The following HCN2 variants were observed in gnomAD, a reference collection of about 807,000 sequenced individuals.
HCN2 encodes the protein hyperpolarization activated cyclic nucleotide gated potassium and sodium channel 2.
In HCN2, 20 loss-of-function variants were observed where a neutral mutation model predicts 52.3. The ratio of observed to expected loss-of-function variants is 0.38; its 90% CI spans 0.27 to 0.56. HCN2 has a LOEUF of 0.56. Ranked by LOEUF, HCN2 falls within the 20% of genes least tolerant of loss-of-function variation. The probability of loss-of-function intolerance (pLI) is 0.71; values close to 1 mark genes in which losing one functional copy is unlikely to be tolerated. For synonymous variants in HCN2, 694 were observed against 537.0 expected (o/e 1.29, Z -4.04); for missense variants, 981 against 1,207.7 (o/e 0.81, Z 2.78).
chr19:609,434 G>A (rs1252593237), intron 4 of HCN2, among the ~76,000 whole-genome samples: 6 of 152,204 alleles, frequency 3.9e-5, no homozygotes, highest in East Asian at 3.9e-4. Context: ...AGAGTCAGGT[G>A]CCCACCCATT....
At chr19:613,095 C>T (rs1234440128) in intron 5 of HCN2, among the ~76,000 whole-genome samples, 153 bp from the exon 6 acceptor site, 1 of 152,200 alleles carries the variant, frequency 6.6e-6, no homozygotes, top group East Asian at 1.9e-4. Context: ...TTCTCCCGTC[C>T]TTGGCGGCAG....
intron 5 of HCN2, among the ~76,000 whole-genome samples, 183 bp downstream of exon 5, chr19:610,588 C>T (rs1202248774): frequency 1.3e-5 from 2 of 152,168 alleles, no homozygotes; most frequent in Non-Finnish European, 2.9e-5. Flanking sequence ...CCCCCAGGAC[C>T]CCCGCCACCC....
intron 1 of HCN2, among the ~76,000 whole-genome samples, chr19:594,898 T>C (rs1982978292): frequency 6.6e-6 from 1 of 152,132 alleles, no homozygotes; most frequent in East Asian, 1.9e-4. Context: ...CTATGTTCCC[T>C]GCTCGAAAAC....
At chr19:608,355 C>T (rs998980224) in intron 4 of HCN2, among the ~76,000 whole-genome samples, 173 bp downstream of exon 4, 7 of 132,446 alleles carry the variant, frequency 5.3e-5, no homozygotes, top group Non-Finnish European at 1.2e-4. Context: ...GGAGGTAGTC[C>T]TTGTCCCGGG....
Position 614,009 on chromosome 19 carries a change from C to G in HCN2, c.1983C>G (p.Asp661Glu). The G allele has an allele frequency of 5.6e-6, 6 of 1,073,368 alleles. No individual in the cohort carries two copies. Among genetic ancestry groups the G allele is most frequent in the Non-Finnish European group, 7.5e-6 (6 of 798,084 alleles). The allele number at this position is 1,073,368 out of a possible 1,614,324, so 66.5% of individuals were successfully genotyped here. A position where few individuals can be genotyped will look rare whatever the true frequency, so the allele number is the denominator to read the frequency against. The stretch of plus-strand genomic sequence containing the variant: ...AGACGGTGGCCATCGACCGCCTGGA[C>G]CGCATCGGTGAGCGGGCCGGGGGCG... ...AFETVAIDRLDRIGKKNSILL... is the reference protein window; with the variant it reads ...AFETVAIDRLERIGKKNSILL... The change falls in exon 7 of 8, where the codon GAC becomes GAG. Residue 661 changes from aspartate to glutamate, a missense_variant. By Grantham distance (45) the Asp-to-Glu change is conservative. Around this residue, in one of 6 missense-constraint regions of HCN2, gnomAD observed 85 missense variants for 106.1 expected, o/e 0.80. Transcript: ENST00000251287.
At chr19:602,358 C>CTGGAAATG (rs1568363416) in intron 1 of HCN2, among the ~76,000 whole-genome samples, 1 of 110,982 alleles carries the variant, frequency 9.0e-6, no homozygotes, top group Non-Finnish European at 1.9e-5. Context: ...CCCACTTCCT[C>CTGGAAATG]CTCTCCTGCG....
At chr19:613,831 C>A (rs751602379) in intron 6 of HCN2, 21 bp from the exon 7 acceptor site, 6 of 1,524,058 alleles carry the variant, frequency 3.9e-6, no homozygotes, top group Middle Eastern at 2.4e-4. Context: ...CCAGCAACCC[C>A]CCCCTGCGCG....
chr19:598,770 T>A (rs1248385869), intron 1 of HCN2, among the ~76,000 whole-genome samples: 2 of 152,126 alleles, frequency 1.3e-5, no homozygotes, highest in Admixed American at 6.5e-5. Flanking sequence ...CACAAAAAAA[T>A]AATACATTTT....
intron 4 of HCN2, among the ~76,000 whole-genome samples, chr19:609,727 C>A (rs1435134778): frequency 6.6e-6 from 1 of 151,948 alleles, no homozygotes; most frequent in Admixed American, 6.6e-5. Flanking sequence ...ATGGCGAGAC[C>A]TCATCTCCAC....
intron 5 of HCN2, among the ~76,000 whole-genome samples, chr19:612,906 C>A (rs1983706407): frequency 6.6e-6 from 1 of 151,772 alleles, no homozygotes; most frequent in Non-Finnish European, 1.5e-5. Context: ...TCTAGAACTC[C>A]TGGGCTCAAG....
intron 5 of HCN2, 93 bp from the exon 6 acceptor site, chr19:613,155 T>G (rs926439086): frequency 2.1e-5 from 30 of 1,447,742 alleles, no homozygotes; most frequent in East Asian, 5.0e-5. Context: ...ACGAGGAAAC[T>G]GGGGTCCGAG....
At chr19:608,224 G>A (rs891642442) in intron 4 of HCN2, 42 bp downstream of exon 4, 1 of 1,567,690 alleles carries the variant, frequency 6.4e-7, no homozygotes, top group Non-Finnish European at 8.8e-7. Context: ...TGATGGGGGA[G>A]GCGGGCCTGG....
In HCN2 at chr19:599,648, C is replaced by T. The variant is rs1303962247; in HGVS notation, c.633-3896C>T. 6.6e-5 allele frequency among the ~76,000 whole-genome samples: 10 copies of T among 151,600 alleles called. 1 individual carries two copies. The highest frequency in any genetic ancestry group is 4.6e-4 in the Admixed American group (7 of 15,222). On this transcript the variant is annotated intron_variant, in intron 1 of 7. Coordinates refer to ENST00000251287, the MANE Select transcript of HCN2 (RefSeq NM_001194.4). ...CAAAAAAAAAAAAAAATTATCTGGG[C>T]GTGGTGGCGGGCGCCTATAGTCCCA...
chr19:606,169 G>A (rs10419399), intron 3 of HCN2, among the ~76,000 whole-genome samples: 28,878 of 151,886 alleles, frequency 0.19, 3,452 homozygotes, highest in African/African-American at 0.31. Context: ...GCACGATCTC[G>A]GCTTACCACA....
intron 1 of HCN2, among the ~76,000 whole-genome samples, chr19:600,367 G>A (rs1027912699): frequency 5.9e-5 from 9 of 151,710 alleles, no homozygotes; most frequent in Admixed American, 5.3e-4. Flanking sequence ...TTTGAGATGG[G>A]GTCTCACTCT....
chr19:597,734 C>T (rs1249845098), intron 1 of HCN2, among the ~76,000 whole-genome samples: 4 of 144,966 alleles, frequency 2.8e-5, no homozygotes, highest in Non-Finnish European at 3.0e-5. Context: ...CTAGGTCCTC[C>T]TGGTGGTTTC....
At position 613,355 on chromosome 19, in the gene HCN2, C is replaced by T. The variant is rs371706250; in HGVS notation, c.1692C>T (p.Val564=). Residue 564 remains valine, a synonymous_variant, in exon 6 of 8, where the codon GTC becomes GTT. Transcript: ENST00000251287. ...TGCTGACCAAGCTCAAGTTCGAGGT[C>T]TTCCAGCCGGGTGACTACATCATCC... ...TAMLTKLKFE[V]FQPGDYIIRE... 50 of 1,612,972 alleles carry T rather than the reference C, an allele frequency of 3.1e-5. No homozygotes were observed. The highest frequency in any genetic ancestry group is 4.0e-5 in the Non-Finnish European group (47 of 1,179,942).
Position 616,386 on chromosome 19 carries a change from C to G in HCN2, c.2582C>G (p.Pro861Arg). 8.1e-7 allele frequency: 1 copy of G among 1,237,634 alleles called. No homozygotes were observed. Among genetic ancestry groups the G allele is most frequent in the Non-Finnish European group, 1.0e-6 (1 of 983,222 alleles). The allele number at this position is 1,237,634 out of a possible 1,614,324, so 76.7% of individuals were successfully genotyped here. A position where few individuals can be genotyped will look rare whatever the true frequency, so the allele number is the denominator to read the frequency against. ...TPAARAAAPS[P>R]DRRDSASPGA... The stretch of plus-strand genomic sequence containing the variant: ...GCTGCCCGGGCCGCCGCGCCCAGCC[C>G]GGACCGCAGGGACTCGGCCTCACCC... Residue 861 changes from proline to arginine, a missense_variant, in exon 8 of 8, where the codon CCG becomes CGG. By Grantham distance (103) the Pro-to-Arg change is moderately radical (BLOSUM62 -2). This residue lies in a region of HCN2 where 368 missense variants were observed against 314.8 expected (regional missense o/e 1.17). Coordinates refer to ENST00000251287, the MANE Select transcript of HCN2 (RefSeq NM_001194.4).
At chr19:608,715 C>T (rs1262930068) in intron 4 of HCN2, among the ~76,000 whole-genome samples, 1 of 152,006 alleles carries the variant, frequency 6.6e-6, no homozygotes, top group Admixed American at 6.5e-5. Flanking sequence ...CTGGGCCCAC[C>T]TGGGGGTCTC....
Sources: gnomAD v4.1 joint callset for allele counts (sites outside exome capture counted in the v4.1 genomes callset) on GRCh38, gnomAD v4.1.1 for gene constraint, gnomAD v4.1.1 regional missense constraint, MANE v1.5 for transcripts, NCBI Gene and HGNC (gene_info 2026-07-23, HGNC 2026-07-21) for gene names.